Variants in CUX1 observed in about 807,000 individuals in gnomAD.
The protein encoded by CUX1 is cut like homeobox 1.
Under a neutral mutation model 158.8 loss-of-function variants are expected in CUX1, and 31 were observed. That is an observed-to-expected ratio of 0.20 (90% CI 0.15 to 0.26). The LOEUF (loss-of-function observed/expected upper bound fraction) is 0.26, where lower values mean the gene tolerates loss of function less well. CUX1 is among the 10% of genes least tolerant of loss of function. CUX1 has a pLI of 1.00. For synonymous variants in CUX1, 879 were observed against 862.1 expected (o/e 1.02, Z -0.34); for missense variants, 1,589 against 2,014.6 (o/e 0.79, Z 4.04).
rs573454310 is a variant in CUX1 at position 101,890,031 on chromosome 7, G to A, written c.31-26084G>A. On this transcript the variant is annotated intron_variant, in intron 1 of 23. Transcript: ENST00000292535. ...ATGGTGGAACCACTCCCGCCAGTGTGTGGTGGGGTGCCCCCGGGGATTTAG... is the reference window on the plus strand; with the variant it reads ...ATGGTGGAACCACTCCCGCCAGTGTATGGTGGGGTGCCCCCGGGGATTTAG... Among the ~76,000 whole-genome samples, 4 of 152,348 alleles carry A rather than the reference G, an allele frequency of 2.6e-5. 1 individual carries two copies. The South Asian group carries it at 8.3e-4, about 32-fold the overall frequency.
intron 14 of CUX1, among the ~76,000 whole-genome samples, chr7:102,196,275 C>T (rs1461308447): frequency 6.6e-6 from 1 of 152,216 alleles, no homozygotes; most frequent in African/African-American, 2.4e-5. Context: ...TTTGCTGCTC[C>T]TCCGGCCGGG....
In CUX1 at chr7:102,201,822, A is replaced by C. The variant is rs1320547987; in HGVS notation, c.2525A>C (p.Lys842Thr). 1 of 1,613,150 alleles carries C rather than the reference A, an allele frequency of 6.2e-7. No homozygotes were observed. The highest frequency in any genetic ancestry group is 8.5e-7 in the Non-Finnish European group (1 of 1,179,900). Reference sequence around the variant, plus strand: ...AATGCCGCCTCCTCCGAGGAGGCCAAGGCCGAAGAAACGGGCGGCGGGAAA... The same window carrying C: ...AATGCCGCCTCCTCCGAGGAGGCCACGGCCGAAGAAACGGGCGGCGGGAAA... ...RRNAASSEEA[K>T]AEETGGGKEK... The change falls in exon 18 of 24, where the codon AAG (lysine) becomes ACG (threonine). Residue 842 changes from lysine (K) to threonine (T), a missense_variant. By Grantham distance (78) the Lys-to-Thr change is moderately conservative (BLOSUM62 -1). Around this residue, in one of 8 missense-constraint regions of CUX1, gnomAD observed 337 missense variants for 409.3 expected, o/e 0.82. Coordinates refer to ENST00000292535, the MANE Select transcript of CUX1 (RefSeq NM_181552.4). The surrounding 1 kb of genome is among the most constrained non-coding windows in gnomAD (Gnocchi z 5.0).
chr7:101,837,339 G>T (rs1208561541), intron 1 of CUX1, among the ~76,000 whole-genome samples: 1 of 152,190 alleles, frequency 6.6e-6, no homozygotes, highest in African/African-American at 2.4e-5. Context: ...AATTGTGAAT[G>T]AAATTGGCGG....
At chr7:102,196,198 G>A (rs1373648397) in intron 14 of CUX1, among the ~76,000 whole-genome samples, 2 of 152,372 alleles carry the variant, frequency 1.3e-5, no homozygotes, top group Non-Finnish European at 1.5e-5. Context: ...CATCGAGGGG[G>A]CTCGGTACGG....
intron 3 of CUX1, among the ~76,000 whole-genome samples, chr7:102,037,323 T>C (rs1821547891): frequency 6.6e-6 from 1 of 152,060 alleles, no homozygotes; most frequent in African/African-American, 2.4e-5. Context: ...ATGATGACTT[T>C]GGGCTGGGTA....
chr7:102,260,712 C>G (rs1446758462), downstream of CUX1, among the ~76,000 whole-genome samples: 3 of 152,020 alleles, frequency 2.0e-5, no homozygotes, highest in East Asian at 3.9e-4. Flanking sequence ...GCGTGAGCCA[C>G]CATACCCAGC....
chr7:102,045,824 C>A (rs1021670023), intron 3 of CUX1, among the ~76,000 whole-genome samples: 3 of 152,216 alleles, frequency 2.0e-5, no homozygotes, highest in Non-Finnish European at 4.4e-5. Context: ...AGCTCGAACT[C>A]GGGCAGAGTG....
chr7:102,203,730 G>T (rs192417453), intron 18 of CUX1, among the ~76,000 whole-genome samples: 29 of 152,226 alleles, frequency 1.9e-4, no homozygotes, highest in African/African-American at 6.7e-4. Flanking sequence ...TGTGTCCTGT[G>T]GGGGGTGTTT....
Position 102,070,378 on chromosome 7 carries a change from G to T in CUX1, c.229G>T (p.Ala77Ser). 1 of 1,610,380 alleles carries T rather than the reference G, an allele frequency of 6.2e-7. No individual in the cohort carries two copies. The highest frequency in any genetic ancestry group is 8.5e-7 in the Non-Finnish European group (1 of 1,179,222). The change falls in exon 4 of 24, where the codon GCT becomes TCT. Residue 77 changes from alanine (A) to serine (S), a missense_variant. By Grantham distance (99) the Ala-to-Ser change is moderately conservative. Around this residue, in one of 8 missense-constraint regions of CUX1, gnomAD observed 63 missense variants for 109.2 expected, o/e 0.58. Transcript: ENST00000292535. ...LSKRSKEAEA[A>S]FLNVYKRLID... ...TAAAAGAAGCAAGGAAGCTGAAGCA[G>T]CTTTCTTGAATGTCTACAAAAGATT...
chr7:102,171,511 A>T (rs1364507158), intron 10 of CUX1, among the ~76,000 whole-genome samples: 1 of 146,396 alleles, frequency 6.8e-6, no homozygotes, highest in African/African-American at 2.5e-5. Flanking sequence ...GCAGTGGCGC[A>T]GTCTTGGCTC....
chr7:102,145,134 CCACACGTTGCAG>C (rs1554501664), intron 8 of CUX1, among the ~76,000 whole-genome samples: 3 of 151,260 alleles, frequency 2.0e-5, no homozygotes, highest in Non-Finnish European at 2.9e-5. Context: ...CAAGTAAGAT[CCACACGTTGCAG>C]TTGGCTGGTG....
chr7:102,040,061 C>T (rs1324205339), intron 3 of CUX1, among the ~76,000 whole-genome samples: 1 of 152,146 alleles, frequency 6.6e-6, no homozygotes, highest in Non-Finnish European at 1.5e-5. Flanking sequence ...TCGGGAGCCT[C>T]CTGCTTCCAG....
At chr7:102,111,588 G>T in intron 6 of CUX1, 110 bp from the exon 7 acceptor site, 1 of 985,528 alleles carries the variant, frequency 1.0e-6, no homozygotes, top group Non-Finnish European at 1.6e-6. Context: ...CCCGTGGTGC[G>T]CCTGCCGCCA....
intron 5 of CUX1, among the ~76,000 whole-genome samples, chr7:102,103,438 TCACTCA>T (rs781802644): frequency 8.7e-5 from 9 of 103,908 alleles, no homozygotes; most frequent in African/African-American, 2.5e-4. Context: ...TCTCTCTCAC[TCACTCA>T]CTCACTCACT....
downstream of CUX1, among the ~76,000 whole-genome samples, chr7:102,263,088 A>G (rs9770983): frequency 0.61 from 89,751 of 146,262 alleles, 27,622 homozygotes; most frequent in East Asian, 0.79. Flanking sequence ...ATCTCGGCTC[A>G]CTGCAACCTC....
chr7:102,118,524 A>C (rs1554492484), intron 8 of CUX1, among the ~76,000 whole-genome samples: 6 of 152,154 alleles, frequency 3.9e-5, no homozygotes, highest in Non-Finnish European at 1.5e-5. Flanking sequence ...GTGACAGAGC[A>C]AGACCCTGTC....
At chr7:102,046,340 C>T (rs998930116) in intron 3 of CUX1, among the ~76,000 whole-genome samples, 7 of 152,254 alleles carry the variant, frequency 4.6e-5, no homozygotes, top group African/African-American at 1.7e-4. Flanking sequence ...TCAAGTGATT[C>T]TCCTGCCTCA....
intron 2 of CUX1, among the ~76,000 whole-genome samples, chr7:101,924,158 G>T (rs1418260821): frequency 1.3e-5 from 2 of 152,118 alleles, no homozygotes; most frequent in Non-Finnish European, 2.9e-5. Context: ...TCTCTGCCAT[G>T]GGGAGGAGGA....
intron 20 of CUX1, among the ~76,000 whole-genome samples, chr7:102,213,914 C>G (rs1308547095): frequency 1.3e-5 from 2 of 152,122 alleles, no homozygotes; most frequent in Non-Finnish European, 2.9e-5. Context: ...GGGTGGATCA[C>G]CTGAGGTCAG....
Sources: allele counts gnomAD v4.1 joint callset (sites outside exome capture counted in the v4.1 genomes callset), GRCh38; gene constraint gnomAD v4.1.1; regional missense constraint gnomAD v4.1.1; non-coding constraint Gnocchi (gnomAD v3.1); transcripts MANE v1.5; gene names NCBI Gene and HGNC (gene_info 2026-07-23, HGNC 2026-07-21).